TMEM255B: variants seen among roughly 807,000 people sequenced by gnomAD.
TMEM255B encodes family with sequence similarity 70, member B.
Under a neutral mutation model 34.5 loss-of-function variants are expected in TMEM255B, and 35 were observed. That is an observed-to-expected ratio of 1.01 (90% CI 0.77 to 1.34). TMEM255B has a LOEUF of 1.34. TMEM255B is among the 40% of genes most tolerant of loss of function. TMEM255B has a pLI of 0.00. For missense variants in TMEM255B, 432 were observed against 433.2 expected, an observed-to-expected ratio of 1.00 and a Z score of 0.02; for synonymous variants, 206 against 201.2, an observed-to-expected ratio of 1.02 and a Z score of -0.20.
At chr13:113,775,774 C>T (rs559962471) in intron 3 of TMEM255B, among the ~76,000 whole-genome samples, 4 of 152,238 alleles carry the variant, frequency 2.6e-5, no homozygotes, top group South Asian at 2.1e-4. Flanking sequence ...GCCTCACCAC[C>T]GAGGCCTCTT....
At chr13:113,808,506 G>A (rs966532934) in intron 8 of TMEM255B, among the ~76,000 whole-genome samples, 7 of 151,940 alleles carry the variant, frequency 4.6e-5, no homozygotes, top group African/African-American at 1.2e-4. Flanking sequence ...GGTTCCTGGC[G>A]GTTTACTCCA....
chr13:113,808,016 C>G (rs2051217527), intron 8 of TMEM255B, among the ~76,000 whole-genome samples: 1 of 152,180 alleles, frequency 6.6e-6, no homozygotes, highest in Admixed American at 6.5e-5. Context: ...TTGTGCCAGG[C>G]CAGCATGTGT....
intron 5 of TMEM255B, chr13:113,800,132 A>AG (rs1413696000): frequency 1.0e-6 from 1 of 1,001,494 alleles, no homozygotes; most frequent in Non-Finnish European, 1.2e-6. Flanking sequence ...GTGTGTGTTT[A>AG]GGGGGGAGGT....
At chr13:113,771,679 AAAT>A (rs1323082007) in intron 3 of TMEM255B, among the ~76,000 whole-genome samples, 3 of 152,116 alleles carry the variant, frequency 2.0e-5, no homozygotes, top group Non-Finnish European at 4.4e-5. Flanking sequence ...ACTCTGTCTC[AAAT>A]AATAATAATA....
chr13:113,766,788 C>T (rs534164807), intron 2 of TMEM255B, among the ~76,000 whole-genome samples: 37 of 152,342 alleles, frequency 2.4e-4, no homozygotes, highest in Non-Finnish European at 3.5e-4. Flanking sequence ...CGCGTGGGAA[C>T]GGCCAGAAGG....
At chr13:113,780,137 C>G (rs868141426) in intron 3 of TMEM255B, among the ~76,000 whole-genome samples, 2 of 152,204 alleles carry the variant, frequency 1.3e-5, no homozygotes, top group South Asian at 4.1e-4. Flanking sequence ...GGTTCCTGGC[C>G]TGTCAGAAAG....
chr13:113,800,096 G>GT lies in TMEM255B; in HGVS notation c.423+677_423+678insT, dbSNP rs1491434815. 1,300 of 968,052 alleles carry GT rather than the reference G, an allele frequency of 1.3e-3. 17 individuals carry two copies. In the South Asian group the frequency reaches 0.021, roughly 15 times the overall value. The allele number at this position is 968,052 out of a possible 1,614,324, so 60.0% of individuals were successfully genotyped here. On this transcript the variant is annotated intron_variant, in intron 5 of 8. Transcript: ENST00000375353. ...TGTGTGTGTTTATGTGTGTGTGTGT[G>GT]GGGGGGGGTAGGCAGGAGGCGTCCC...
intron 1 of TMEM255B, among the ~76,000 whole-genome samples, chr13:113,764,338 C>T (rs1211631416): frequency 6.6e-6 from 1 of 152,080 alleles, no homozygotes; most frequent in African/African-American, 2.4e-5. Flanking sequence ...CTTGGGGACC[C>T]GGAGGGCGCA....
chr13:113,802,092 G>A (rs548637660), intron 7 of TMEM255B, among the ~76,000 whole-genome samples: 1 of 152,346 alleles, frequency 6.6e-6, no homozygotes, highest in South Asian at 2.1e-4. Flanking sequence ...CTCCAAGAGG[G>A]AGGCCCAGCC....
At chr13:113,804,472 A>G (rs546463084) in intron 7 of TMEM255B, among the ~76,000 whole-genome samples, 1 of 152,308 alleles carries the variant, frequency 6.6e-6, no homozygotes, top group Non-Finnish European at 1.5e-5. Context: ...TCAAAAAAGT[A>G]AAAGAGAGCC....
chr13:113,795,941 G>C (rs2050921364), intron 4 of TMEM255B, among the ~76,000 whole-genome samples: 1 of 111,600 alleles, frequency 9.0e-6, no homozygotes, highest in Non-Finnish European at 1.8e-5. Flanking sequence ...ACAACACACA[G>C]AGCACACAGC....
chr13:113,781,440 C>T (rs1031987414), intron 3 of TMEM255B, among the ~76,000 whole-genome samples: 2 of 152,096 alleles, frequency 1.3e-5, no homozygotes, highest in Non-Finnish European at 2.9e-5. Context: ...ATCTTTTTAC[C>T]AAAAGTATAT....
chr13:113,790,961 C>T (rs9635144), intron 3 of TMEM255B, among the ~76,000 whole-genome samples: 62,820 of 152,144 alleles, frequency 0.41, 14,291 homozygotes, highest in East Asian at 0.72. Context: ...GCTGGGACAT[C>T]TGCGAGGACG....
At chr13:113,779,368 G>A (rs1422046121) in intron 3 of TMEM255B, among the ~76,000 whole-genome samples, 2 of 152,150 alleles carry the variant, frequency 1.3e-5, no homozygotes, top group South Asian at 2.1e-4. Context: ...TGGTCCTTAC[G>A]GGGCACTGAA....
chr13:113,805,375 A>G (rs2051152215), intron 8 of TMEM255B, among the ~76,000 whole-genome samples: 1 of 152,164 alleles, frequency 6.6e-6, no homozygotes, highest in Non-Finnish European at 1.5e-5. Context: ...TGGCCAGGTT[A>G]TTTAGGTGGA....
intron 3 of TMEM255B, among the ~76,000 whole-genome samples, chr13:113,780,156 T>G (rs1023043391): frequency 1.3e-5 from 2 of 152,212 alleles, no homozygotes; most frequent in Non-Finnish European, 2.9e-5. Flanking sequence ...AGTGACATTC[T>G]TTACTTACCC....
intron 3 of TMEM255B, among the ~76,000 whole-genome samples, chr13:113,793,826 G>A (rs2050873603): frequency 6.6e-6 from 1 of 152,224 alleles, no homozygotes; most frequent in South Asian, 2.1e-4. Flanking sequence ...GGGCTTCCAG[G>A]GAGGACCCCC....
At chr13:113,772,439 A>G (rs1421586513) in intron 3 of TMEM255B, among the ~76,000 whole-genome samples, 1 of 152,034 alleles carries the variant, frequency 6.6e-6, no homozygotes, top group Non-Finnish European at 1.5e-5. Flanking sequence ...TTACCCCTAG[A>G]TTTTTCTAGA....
rs1476192671 is a variant in TMEM255B, at chr13:113,760,363, ATTAT to A, written c.46+1054_46+1057del. Among the ~76,000 whole-genome samples, 7 of 152,338 alleles carry A rather than the reference ATTAT, an allele frequency of 4.6e-5. No homozygotes were observed. In the East Asian group the frequency reaches 7.7e-4, roughly 17 times the overall value. ...GTGTTTAATAATGATAACTATTATTATTATTTATTAACTAGTTTTATCATTATTA... is the reference window on the plus strand; with the variant it reads ...GTGTTTAATAATGATAACTATTATTATTATTAACTAGTTTTATCATTATTA... On this transcript the variant is annotated intron_variant, in intron 1 of 8. Coordinates refer to ENST00000375353, the MANE Select transcript of TMEM255B (RefSeq NM_182614.4).
Sources: allele counts gnomAD v4.1 joint callset (sites outside exome capture counted in the v4.1 genomes callset), GRCh38; gene constraint gnomAD v4.1.1; transcripts MANE v1.5; gene names NCBI Gene and HGNC (gene_info 2026-07-23, HGNC 2026-07-21).